The following PREX1 variants were observed in gnomAD, a reference collection of about 807,000 sequenced individuals.
PREX1 encodes phosphatidylinositol-3,4,5-trisphosphate dependent Rac exchange factor 1, also known as phosphatidylinositol 3,4,5-trisphosphate-dependent Rac exchanger 1 protein.
In PREX1, 41 loss-of-function variants were observed where a neutral mutation model predicts 198.3. That is an observed-to-expected ratio of 0.21 (90% CI 0.16 to 0.27). The LOEUF (loss-of-function observed/expected upper bound fraction) is 0.27. Ranked by LOEUF, PREX1 falls within the 10% of genes least tolerant of loss-of-function variation. PREX1 has a pLI of 1.00. For synonymous variants in PREX1, 843 were observed against 887.2 expected (o/e 0.95, Z 0.89); for missense variants, 1,620 against 2,200.7 (o/e 0.74, Z 5.28).
Position 48,650,325 on chromosome 20 carries a change from C to A in PREX1, c.2818-119G>T, listed in dbSNP as rs544045603. 30 of 947,528 alleles carry A rather than the reference C, an allele frequency of 3.2e-5. No homozygotes were observed. In the African/African-American group the frequency reaches 3.7e-4, roughly 12 times the overall value. The allele number at this position is 947,528 out of a possible 1,614,324, so 58.7% of individuals were successfully genotyped here. A position where few individuals can be genotyped will look rare whatever the true frequency, so the allele number is the denominator to read the frequency against. ...AGATGCCCCACAGTTGGACAAAATGCCAGTAGCTCCAAATGAGAAGGGGAA... is the reference window on the plus strand; with the variant it reads ...AGATGCCCCACAGTTGGACAAAATGACAGTAGCTCCAAATGAGAAGGGGAA... On this transcript the variant is annotated intron_variant, in intron 23 of 39. Coordinates refer to ENST00000371941, the MANE Select transcript of PREX1 (RefSeq NM_020820.4).
chr20:48,742,294 A>G (rs1048457665), intron 3 of PREX1, among the ~76,000 whole-genome samples: 10 of 152,172 alleles, frequency 6.6e-5, no homozygotes, highest in African/African-American at 2.4e-4. Flanking sequence ...AGATGCGCAC[A>G]TTACCCAAGT....
intron 17 of PREX1, among the ~76,000 whole-genome samples, chr20:48,657,933 C>T (rs141231360): frequency 7.2e-5 from 11 of 152,328 alleles, no homozygotes; most frequent in Admixed American, 2.0e-4. Flanking sequence ...AGCACAGCCC[C>T]GGGACTCTGC....
At chr20:48,649,685 T>G in intron 24 of PREX1, 109 bp from the exon 25 acceptor site, 1 of 1,290,600 alleles carries the variant, frequency 7.7e-7, no homozygotes, top group Non-Finnish European at 1.1e-6. Flanking sequence ...AGGAGAAAAA[T>G]GTCCCTTCTA....
intron 7 of PREX1, among the ~76,000 whole-genome samples, chr20:48,695,625 G>A (rs1233549736): frequency 6.6e-6 from 1 of 152,164 alleles, no homozygotes; most frequent in African/African-American, 2.4e-5. Context: ...TGTACAGTAG[G>A]AGCTCATTAA....
chr20:48,703,907 G>A (rs1232091082), intron 6 of PREX1, among the ~76,000 whole-genome samples: 1 of 152,216 alleles, frequency 6.6e-6, no homozygotes, highest in Non-Finnish European at 1.5e-5. Flanking sequence ...GTGGTGCTAG[G>A]GGTTGGATGC....
At chr20:48,676,324 G>C in intron 13 of PREX1, 56 bp from the exon 14 acceptor site, 1 of 1,542,654 alleles carries the variant, frequency 6.5e-7, no homozygotes, top group Non-Finnish European at 8.9e-7. Flanking sequence ...ACAGAGGTGG[G>C]GGTGGTCCTG....
chr20:48,870,666 G>C, the PREX1 span, among the ~76,000 whole-genome samples: 1 of 152,124 alleles, frequency 6.6e-6, no homozygotes, highest in South Asian at 2.1e-4. Context: ...ATCATATTTA[G>C]GCAGGGCACA....
intron 1 of PREX1, among the ~76,000 whole-genome samples, chr20:48,749,550 T>C (rs2090124824): frequency 1.3e-5 from 2 of 152,176 alleles, no homozygotes; most frequent in African/African-American, 4.8e-5. Flanking sequence ...AGGCTAGCCC[T>C]CTGCACAAGG....
chr20:48,742,683 G>A lies in PREX1; in HGVS notation c.414+2342C>T, dbSNP rs73911669. Among the ~76,000 whole-genome samples, 369 of 152,274 alleles carry A rather than the reference G, an allele frequency of 2.4e-3. 3 individuals are homozygous for A. The highest frequency in any genetic ancestry group is 8.5e-3 in the African/African-American group (354 of 41,552). On this transcript the variant is annotated intron_variant, in intron 3 of 39. Transcript: ENST00000371941. The stretch of plus-strand genomic sequence containing the variant: ...GGAGGGTCCCAGGTAGCAGAAGAGA[G>A]GACACGGAAAAGAGGTTGCTTCATG...
chr20:48,703,007 T>C (rs1489873639), intron 6 of PREX1, among the ~76,000 whole-genome samples: 3 of 152,064 alleles, frequency 2.0e-5, no homozygotes, highest in African/African-American at 4.8e-5. Flanking sequence ...GAGGGAGAAT[T>C]ATTCACAAAA....
chr20:48,868,329 T>G, the PREX1 span, among the ~76,000 whole-genome samples: 1 of 152,120 alleles, frequency 6.6e-6, no homozygotes, highest in African/African-American at 2.4e-5. Flanking sequence ...TTAATTTTTT[T>G]TTTTTGAGAC....
At chr20:48,823,050 A>G (rs528669276) in intron 1 of PREX1, among the ~76,000 whole-genome samples, 2 of 152,334 alleles carry the variant, frequency 1.3e-5, no homozygotes, top group African/African-American at 4.8e-5. Flanking sequence ...CGGAGCTCCA[A>G]TGAGAAGAAA....
the PREX1 span, among the ~76,000 whole-genome samples, chr20:48,862,796 T>TATATATAC: frequency 9.8e-6 from 1 of 101,936 alleles, no homozygotes; most frequent in African/African-American, 3.7e-5. Flanking sequence ...AAAAAATATA[T>TATATATAC]ATATATATAT....
At chr20:48,794,043 T>C (rs2090349837) in intron 1 of PREX1, among the ~76,000 whole-genome samples, 1 of 152,020 alleles carries the variant, frequency 6.6e-6, no homozygotes, top group Non-Finnish European at 1.5e-5. Context: ...CCTCACTCAC[T>C]AGAAGCCCCC....
rs749736443 is a variant in PREX1, at chr20:48,747,795, C to G, written c.291+14G>C. ...CAGATGCTCTAGAACAGGGGCCAGC[C>G]CCAGCGTCCACACCTTGACATTCTC... On this transcript the variant is annotated intron_variant, in intron 2 of 39. Coordinates refer to ENST00000371941, the MANE Select transcript of PREX1 (RefSeq NM_020820.4). 3.1e-6 allele frequency: 5 copies of G among 1,609,260 alleles called. No individual in the cohort carries two copies. Among genetic ancestry groups the G allele is most frequent in the Non-Finnish European group, 4.2e-6 (5 of 1,176,510 alleles).
intron 7 of PREX1, among the ~76,000 whole-genome samples, chr20:48,697,547 ATTT>A (rs558892208): frequency 6.6e-6 from 1 of 151,822 alleles, no homozygotes; most frequent in African/African-American, 2.4e-5. Flanking sequence ...CACCTGGCTA[ATTT>A]TTTTATATTT....
At chr20:48,648,319 G>A (rs756452436) in intron 25 of PREX1, among the ~76,000 whole-genome samples, 26 of 152,110 alleles carry the variant, frequency 1.7e-4, no homozygotes, top group Non-Finnish European at 2.1e-4. Flanking sequence ...CTCAAGTGGG[G>A]GCAATTTTGC....
intron 1 of PREX1, among the ~76,000 whole-genome samples, chr20:48,819,442 A>C (rs1333954507): frequency 6.6e-6 from 1 of 152,176 alleles, no homozygotes; most frequent in Non-Finnish European, 1.5e-5. Context: ...TCCCTAGAAA[A>C]GCCTTCCTTG....
At chr20:48,628,785 C>T (rs2089292039) in intron 37 of PREX1, among the ~76,000 whole-genome samples, 1 of 152,196 alleles carries the variant, frequency 6.6e-6, no homozygotes. Flanking sequence ...GCACTGGCCC[C>T]GTGAAACATT....
Sources: allele counts gnomAD v4.1 joint callset (sites outside exome capture counted in the v4.1 genomes callset), GRCh38; gene constraint gnomAD v4.1.1; transcripts MANE v1.5; gene names NCBI Gene and HGNC (gene_info 2026-07-23, HGNC 2026-07-21).